Variants in NDFIP1 observed in about 807,000 individuals in gnomAD.
The protein encoded by NDFIP1 is NEDD4 family-interacting protein 1.
NDFIP1 carries 7 observed loss-of-function variants against 28.8 expected under a neutral mutation model. The ratio of observed to expected loss-of-function variants is 0.24; its 90% confidence interval spans 0.14 to 0.46. NDFIP1 has a LOEUF of 0.46. NDFIP1 is among the 20% of genes least tolerant of loss of function. The pLI is 0.99. For synonymous variants in NDFIP1, 92 were observed against 101.0 expected, an observed-to-expected ratio of 0.91 and a Z score of 0.53; for missense variants, 194 against 269.1, an observed-to-expected ratio of 0.72 and a Z score of 1.95.
In NDFIP1 at chr5:142,129,665, G is replaced by A. The variant is rs930667721; in HGVS notation, c.64-2143G>A. ...ATTGTGGCCGGGCACAATGGCTCAC[G>A]CCTGTAATTCCAGCACTTTGGGAGG... On this transcript the variant is annotated intron_variant, in intron 1 of 7. Coordinates refer to ENST00000253814, the MANE Select transcript of NDFIP1 (RefSeq NM_030571.4). 9.9e-5 allele frequency among the ~76,000 whole-genome samples: 15 copies of A among 152,024 alleles called. 1 individual carries two copies. Among genetic ancestry groups the A allele is most frequent in the Admixed American group, 9.2e-4 (14 of 15,254 alleles).
At chr5:142,115,863 G>A (rs879456205) in intron 1 of NDFIP1, among the ~76,000 whole-genome samples, 4 of 152,110 alleles carry the variant, frequency 2.6e-5, no homozygotes, top group Admixed American at 2.6e-4. Flanking sequence ...ATTGAAAATA[G>A]GGGAAAATAA....
chr5:142,139,817 A>G (rs1451076341), intron 5 of NDFIP1, among the ~76,000 whole-genome samples: 1 of 152,194 alleles, frequency 6.6e-6, no homozygotes, highest in Non-Finnish European at 1.5e-5. Context: ...CAGGAGTTCA[A>G]ATGCAGCCTG....
In NDFIP1 at chr5:142,153,943, T is replaced by C. The variant is rs1757472674; in HGVS notation, c.*2215T>C. 2 of 152,736 alleles carry C rather than the reference T, an allele frequency of 1.3e-5. No homozygotes were observed. The allele number at this position is 152,736 out of a possible 1,614,324, so 9.5% of individuals were successfully genotyped here. On this transcript the variant is annotated 3_prime_UTR_variant, in exon 8 of 8. Coordinates refer to ENST00000253814, the MANE Select transcript of NDFIP1 (RefSeq NM_030571.4). Reference sequence around the variant, plus strand: ...ACTTTGTCAAATGTAAACCTACAGTTTGATACGCTTTAAAATACCTAGTTA... The same window carrying C: ...ACTTTGTCAAATGTAAACCTACAGTCTGATACGCTTTAAAATACCTAGTTA...
chr5:142,126,278 G>T (rs1205800773), intron 1 of NDFIP1, among the ~76,000 whole-genome samples: 1 of 152,132 alleles, frequency 6.6e-6, no homozygotes, highest in Admixed American at 6.5e-5. Context: ...TTTAAAAATT[G>T]CATTTTAAGG....
intron 7 of NDFIP1, among the ~76,000 whole-genome samples, chr5:142,146,336 T>G (rs1596795973): frequency 6.6e-6 from 1 of 152,268 alleles, no homozygotes; most frequent in East Asian, 1.9e-4. Context: ...GCCTGGGCCT[T>G]AATGCCTACA....
At position 142,148,910 on chromosome 5, in the gene NDFIP1, C is replaced by A. The variant is rs181915978; in HGVS notation, c.*3-2821C>A. Among the ~76,000 whole-genome samples, 407 of 152,198 alleles carry A rather than the reference C, an allele frequency of 2.7e-3. 2 individuals are homozygous for A. The highest frequency in any genetic ancestry group is 9.4e-3 in the African/African-American group (389 of 41,536). On this transcript the variant is annotated intron_variant, in intron 7 of 7. Coordinates refer to ENST00000253814, the MANE Select transcript of NDFIP1 (RefSeq NM_030571.4). ...GAAAATACATTTTTATGGATTACCA[C>A]CTCCTCTGATGCTGCCAGGTGAATG... is the stretch of plus-strand genomic sequence containing the variant.
chr5:142,118,592 T>C (rs2126911779), intron 1 of NDFIP1, among the ~76,000 whole-genome samples: 1 of 152,336 alleles, frequency 6.6e-6, no homozygotes, highest in South Asian at 2.1e-4. Flanking sequence ...TCTGTAAAGA[T>C]ACGTTTTACC....
At chr5:142,122,889 C>T (rs150822072) in intron 1 of NDFIP1, among the ~76,000 whole-genome samples, 5 of 151,934 alleles carry the variant, frequency 3.3e-5, no homozygotes, top group Non-Finnish European at 7.4e-5. Flanking sequence ...TATATCCTCC[C>T]GCTCTTTGGA....
At chr5:142,113,100 T>C (rs1596780161) in intron 1 of NDFIP1, among the ~76,000 whole-genome samples, 1 of 152,320 alleles carries the variant, frequency 6.6e-6, no homozygotes, top group East Asian at 1.9e-4. Flanking sequence ...GACACTGCCA[T>C]GTAGGTTCAA....
intron 1 of NDFIP1, among the ~76,000 whole-genome samples, chr5:142,111,471 C>G (rs973392909): frequency 6.6e-6 from 1 of 152,000 alleles, no homozygotes; most frequent in African/African-American, 2.4e-5. Context: ...GCATAAATTA[C>G]TAGCCATGGA....
intron 1 of NDFIP1, among the ~76,000 whole-genome samples, chr5:142,115,366 C>A (rs533884273): frequency 4.1e-4 from 62 of 152,218 alleles, no homozygotes; most frequent in Admixed American, 1.4e-3. Flanking sequence ...TCACTGCAAC[C>A]TCCGCCTCCC....
In NDFIP1 at chr5:142,154,151, A is replaced by G. The variant is rs1757475021; in HGVS notation, c.*2423A>G. 6.6e-6 allele frequency: 1 copy of G among 152,306 alleles called. No individual in the cohort carries two copies. Among genetic ancestry groups the G allele is most frequent in the African/African-American group, 2.4e-5 (1 of 41,436 alleles). The allele number at this position is 152,306 out of a possible 1,614,324, so 9.4% of individuals were successfully genotyped here. A position where few individuals can be genotyped will look rare whatever the true frequency, so the allele number is the denominator to read the frequency against. ...CTCACTTTGATACGTTAATACTGAT[A>G]ATGGATAAAGAGTGAGTTTTTATAA... is the stretch of plus-strand genomic sequence containing the variant. On this transcript the variant is annotated 3_prime_UTR_variant, in exon 8 of 8. Transcript: ENST00000253814.
intron 5 of NDFIP1, among the ~76,000 whole-genome samples, chr5:142,139,536 T>TA (rs1240608572): frequency 1.3e-5 from 2 of 151,732 alleles, no homozygotes; most frequent in African/African-American, 4.8e-5. Context: ...AAGAACTATT[T>TA]AAAAAAAAAT....
rs74758174 is a variant in NDFIP1, at chr5:142,150,831, C to T, written c.*3-900C>T. Among the ~76,000 whole-genome samples the T allele has an allele frequency of 5.9e-5, 9 of 152,254 alleles. No homozygotes were observed. The East Asian group carries it at 1.5e-3, about 26-fold the overall frequency. ...TAAGTTATAGGCCGATATTTGAGCCCATCCAACTCTCACTTCTTGCTGAGT... is the reference window on the plus strand; with the variant it reads ...TAAGTTATAGGCCGATATTTGAGCCTATCCAACTCTCACTTCTTGCTGAGT... On this transcript the variant is annotated intron_variant, in intron 7 of 7. Transcript: ENST00000253814.
chr5:142,129,948 A>G (rs1362467215), intron 1 of NDFIP1, among the ~76,000 whole-genome samples: 1 of 151,518 alleles, frequency 6.6e-6, no homozygotes, highest in Non-Finnish European at 1.5e-5. Flanking sequence ...AGAAAATTTA[A>G]TGGATTATGG....
intron 1 of NDFIP1, among the ~76,000 whole-genome samples, chr5:142,112,171 A>G (rs1011214602): frequency 4.6e-5 from 7 of 152,132 alleles, no homozygotes; most frequent in African/African-American, 1.7e-4. Context: ...AAAGATCACG[A>G]GGTCAAGAGA....
At chr5:142,142,940 A>ATATATATATATATATAT (rs1554092158) in intron 6 of NDFIP1, 4 of 38,136 alleles carry the variant, frequency 1.0e-4, no homozygotes, top group Non-Finnish European at 1.8e-4. Flanking sequence ...AAAAAAAAAA[A>ATATATATATATATATAT]ATATATATAT....
chr5:142,130,696 C>CA (rs11405616), intron 1 of NDFIP1, among the ~76,000 whole-genome samples: 95,842 of 145,510 alleles, frequency 0.66, 31,207 homozygotes, highest in African/African-American at 0.72. Context: ...CCTGTCTCTC[C>CA]AAAAAAAAAA....
At chr5:142,118,028 C>A (rs1757087598) in intron 1 of NDFIP1, among the ~76,000 whole-genome samples, 1 of 152,152 alleles carries the variant, frequency 6.6e-6, no homozygotes, top group Non-Finnish European at 1.5e-5. Flanking sequence ...CGCCAGCACA[C>A]CCAGCTGAAA....
Sources: gnomAD v4.1 joint callset for allele counts (sites outside exome capture counted in the v4.1 genomes callset) on GRCh38, gnomAD v4.1.1 for gene constraint, MANE v1.5 for transcripts, NCBI Gene and HGNC (gene_info 2026-07-23, HGNC 2026-07-21) for gene names.